Variants in DPP6 observed in about 807,000 individuals in gnomAD.
DPP6 encodes the protein dipeptidyl peptidase like 6, also known as A-type potassium channel modulatory protein DPP6.
In DPP6, 69 loss-of-function variants were observed where a neutral mutation model predicts 122.6. The observed-to-expected ratio is 0.56, with a 90% confidence interval of 0.46 to 0.69. The LOEUF is 0.69. Ranked by LOEUF, DPP6 falls within the 30% of genes least tolerant of loss-of-function variation. DPP6 has a pLI of 0.00. For missense variants in DPP6, 928 were observed against 1,116.9 expected (o/e 0.83, Z 2.41); for synonymous variants, 418 against 433.1 (o/e 0.97, Z 0.43).
intron 1 of DPP6, among the ~76,000 whole-genome samples, chr7:154,225,882 T>C (rs1800569050): frequency 1.3e-5 from 2 of 152,200 alleles, no homozygotes; most frequent in South Asian, 4.1e-4. Flanking sequence ...AGTAATACTT[T>C]AACTTCGTAT....
intron 1 of DPP6, among the ~76,000 whole-genome samples, chr7:153,969,590 C>A (rs1795928542): frequency 6.8e-6 from 1 of 148,094 alleles, no homozygotes; most frequent in African/African-American, 2.7e-5. Flanking sequence ...ACTGGACTTT[C>A]CCCTGAGATT....
At chr7:154,858,881 C>A (rs1394746344) in intron 17 of DPP6, among the ~76,000 whole-genome samples, 1 of 152,194 alleles carries the variant, frequency 6.6e-6, no homozygotes, top group Non-Finnish European at 1.5e-5. Context: ...CAGTTCTGGG[C>A]TCTCCACACA....
chr7:154,278,022 G>A (rs771895973), intron 1 of DPP6, among the ~76,000 whole-genome samples: 8 of 152,316 alleles, frequency 5.3e-5, no homozygotes, highest in East Asian at 3.9e-4. Context: ...GACTCTTCCC[G>A]TCATGCGGGC....
chr7:154,407,596 AC>A (rs1361900382), intron 1 of DPP6, among the ~76,000 whole-genome samples: 4 of 152,210 alleles, frequency 2.6e-5, no homozygotes, highest in Non-Finnish European at 5.9e-5. Flanking sequence ...GTTGGCCCTT[AC>A]AGTTCATTTT....
chr7:154,006,314 G>T lies in DPP6; in HGVS notation c.51+118580G>T, dbSNP rs560286187. ...CAAGGTTTTTATTATGTCTAGGGAG[G>T]GCCAGAATCAGTCCTATCTGCTCGC... On this transcript the variant is annotated intron_variant, in intron 1 of 25. Transcript: ENST00000404039. Among the ~76,000 whole-genome samples the T allele has an allele frequency of 3.3e-5, 5 of 151,906 alleles. No homozygotes were observed. The East Asian group carries it at 9.7e-4, about 30-fold the overall frequency.
chr7:154,463,354 C>T (rs549776440), intron 2 of DPP6, among the ~76,000 whole-genome samples: 95 of 151,756 alleles, frequency 6.3e-4, no homozygotes, highest in African/African-American at 2.0e-3. Context: ...ACTACAGGCG[C>T]GCGCCACCAC....
Position 154,241,919 on chromosome 7 carries a change from G to A in DPP6, c.243+188856G>A, listed in dbSNP as rs1308026276. ...CTTACCTTCCTCTGGCATTCACAGA[G>A]GGCTGAGTTTCTAGTAGATGTTAAT... On this transcript the variant is annotated intron_variant, in intron 1 of 25. Coordinates refer to ENST00000377770, the MANE Select transcript of DPP6 (RefSeq NM_130797.4). The surrounding 1 kb of genome is among the most constrained non-coding windows in gnomAD (Gnocchi z 9.0). Among the ~76,000 whole-genome samples, 1 of 152,148 alleles carries A rather than the reference G, an allele frequency of 6.6e-6. No homozygotes were observed. The highest frequency in any genetic ancestry group is 1.5e-5 in the Non-Finnish European group (1 of 68,038).
intron 7 of DPP6, among the ~76,000 whole-genome samples, chr7:154,709,330 C>T (rs1487536322): frequency 1.3e-5 from 2 of 151,760 alleles, no homozygotes; most frequent in African/African-American, 4.9e-5. Context: ...CAGGCGTGTG[C>T]TATGACACTC....
chr7:154,673,946 G>T (rs1219849966), intron 7 of DPP6, among the ~76,000 whole-genome samples: 9 of 150,712 alleles, frequency 6.0e-5, no homozygotes, highest in African/African-American at 2.2e-4. Context: ...TGCGATCTCT[G>T]CTCACTCCAA....
At chr7:154,279,887 T>C (rs1222792698) in intron 1 of DPP6, among the ~76,000 whole-genome samples, 1 of 152,140 alleles carries the variant, frequency 6.6e-6, no homozygotes, top group African/African-American at 2.4e-5. Context: ...TTCCAAAACC[T>C]CTGGAGTAGA....
chr7:154,189,269 G>A (rs1585587677), intron 1 of DPP6, among the ~76,000 whole-genome samples: 1 of 152,334 alleles, frequency 6.6e-6, no homozygotes, highest in East Asian at 1.9e-4. Context: ...ATCAGAATTT[G>A]AATTTGTATC....
At chr7:154,580,589 G>T (rs1488921959) in intron 5 of DPP6, among the ~76,000 whole-genome samples, 1 of 151,922 alleles carries the variant, frequency 6.6e-6, no homozygotes, top group African/African-American at 2.4e-5. Context: ...TGGTGTAGAT[G>T]ATGTCAGGGT....
intron 3 of DPP6, among the ~76,000 whole-genome samples, chr7:154,507,443 C>T (rs970328435): frequency 9.2e-5 from 14 of 152,160 alleles, no homozygotes; most frequent in African/African-American, 3.4e-4. Flanking sequence ...CCCTTGCTCC[C>T]CGCCCTGATA....
intron 10 of DPP6, among the ~76,000 whole-genome samples, chr7:154,786,947 G>A (rs1348633979): frequency 2.0e-5 from 3 of 152,166 alleles, no homozygotes; most frequent in African/African-American, 7.2e-5. Flanking sequence ...CCAGGTTGCT[G>A]TGCCCTCCAG....
In DPP6 at chr7:154,062,094, G is replaced by A. The variant is rs1209492534; in HGVS notation, c.243+9031G>A. Among the ~76,000 whole-genome samples, 12 of 105,446 alleles carry A rather than the reference G, an allele frequency of 1.1e-4. 2 individuals are homozygous for A. Among genetic ancestry groups the A allele is most frequent in the South Asian group, 4.1e-4 (1 of 2,452 alleles). 69.2% of individuals were successfully genotyped at this position (105,446 alleles called of 152,430 possible). ...CCCACTGGCTCTTAGGACCCCCATCGCAGAGGGGGGACGCACCCCCCGCGA... is the reference window on the plus strand; with the variant it reads ...CCCACTGGCTCTTAGGACCCCCATCACAGAGGGGGGACGCACCCCCCGCGA... On this transcript the variant is annotated intron_variant, in intron 1 of 25. Coordinates refer to ENST00000377770, the MANE Select transcript of DPP6 (RefSeq NM_130797.4).
intron 1 of DPP6, among the ~76,000 whole-genome samples, chr7:154,292,517 G>A (rs761598241): frequency 2.6e-5 from 4 of 152,188 alleles, no homozygotes; most frequent in Non-Finnish European, 5.9e-5. Context: ...TTGCACCAAA[G>A]CCCCGGGTTG....
chr7:154,752,272 T>A (rs1284698555), intron 8 of DPP6, among the ~76,000 whole-genome samples: 1 of 152,242 alleles, frequency 6.6e-6, no homozygotes, highest in Non-Finnish European at 1.5e-5. Flanking sequence ...AGTGATAATG[T>A]TACCAGTACT....
In DPP6 at chr7:154,830,713, G is replaced by A. The variant is rs190751916; in HGVS notation, c.1667-23067G>A. ...TCATTTTGATCAGATGGCTTGCAGG[G>A]TTGCTGCTCACAGCCTATTTCTACT... On this transcript the variant is annotated intron_variant, in intron 16 of 25. Transcript: ENST00000377770. Among the ~76,000 whole-genome samples the A allele has an allele frequency of 4.4e-3, 673 of 152,286 alleles. 4 individuals are homozygous for A. Among genetic ancestry groups the A allele is most frequent in the Middle Eastern group, 0.014 (4 of 294 alleles).
At chr7:154,331,637 CGT>C (rs1808951532) in intron 1 of DPP6, among the ~76,000 whole-genome samples, 1 of 152,172 alleles carries the variant, frequency 6.6e-6, no homozygotes, top group Non-Finnish European at 1.5e-5. Context: ...CAATTTGCCA[CGT>C]GTGTGAGCTC....
Sources: allele counts gnomAD v4.1 joint callset (sites outside exome capture counted in the v4.1 genomes callset), GRCh38; gene constraint gnomAD v4.1.1; non-coding constraint Gnocchi (gnomAD v3.1); transcripts MANE v1.5; gene names NCBI Gene and HGNC (gene_info 2026-07-23, HGNC 2026-07-21).